Variants in PARD6B observed in about 807,000 individuals in gnomAD.
The protein encoded by PARD6B is par-6 family cell polarity regulator beta, also known as partitioning defective 6 homolog beta.
In PARD6B, 4 loss-of-function variants were observed where a neutral mutation model predicts 10.5. The observed-to-expected ratio is 0.38, with a 90% CI of 0.19 to 0.87. The LOEUF (loss-of-function observed/expected upper bound fraction) is 0.87. PARD6B is among the 40% of genes least tolerant of loss of function. The pLI is 0.41. For synonymous variants in PARD6B, 169 were observed against 170.4 expected (o/e 0.99, Z 0.07); for missense variants, 396 against 470.6 (o/e 0.84, Z 1.47).
At chr20:50,743,158 A>G (rs1237798937) in intron 2 of PARD6B, among the ~76,000 whole-genome samples, 4 of 152,218 alleles carry the variant, frequency 2.6e-5, no homozygotes, top group African/African-American at 9.6e-5. Context: ...GAATTCAGCC[A>G]GGGAAATGTG....
rs2087593307 is a variant in PARD6B at position 50,750,207 on chromosome 20, A to G, written c.838A>G (p.Ile280Val). ...CAGCCTTCTTGGCTACCCACAGCAG[A>G]TTGAACCAAGCTTTGAGCCAGAGGA... ...DNSLLGYPQQ[I>V]EPSFEPEDED... The change falls in exon 3 of 3, where the codon ATT (isoleucine) becomes GTT (valine). Residue 280 changes from isoleucine (I) to valine (V), a missense_variant. Ile to Val is a conservative substitution (Grantham distance 29). Coordinates refer to ENST00000371610, the MANE Select transcript of PARD6B (RefSeq NM_032521.3). 2 of 1,614,090 alleles carry G rather than the reference A, an allele frequency of 1.2e-6. No individual in the cohort carries two copies. The highest frequency in any genetic ancestry group is 2.7e-5 in the African/African-American group (2 of 74,944).
At chr20:50,746,086 T>A (rs534309252) in intron 2 of PARD6B, among the ~76,000 whole-genome samples, 1 of 152,244 alleles carries the variant, frequency 6.6e-6, no homozygotes, top group Non-Finnish European at 1.5e-5. Flanking sequence ...TTTTCTAGAT[T>A]TGCTTTTTAC....
At chr20:50,747,709 T>G (rs1225165737) in intron 2 of PARD6B, among the ~76,000 whole-genome samples, 1 of 152,178 alleles carries the variant, frequency 6.6e-6, no homozygotes, top group Non-Finnish European at 1.5e-5. Flanking sequence ...TTATAGACTA[T>G]CTTCCTTCAG....
At chr20:50,737,709 C>T (rs1351006950) in intron 1 of PARD6B, 148 bp from the exon 2 acceptor site, 2 of 596,046 alleles carry the variant, frequency 3.4e-6, no homozygotes, top group Non-Finnish European at 2.8e-6. Context: ...TTTTAAAATC[C>T]CTGATAGTAA....
intron 1 of PARD6B, among the ~76,000 whole-genome samples, chr20:50,736,532 A>C (rs2087500322): frequency 6.6e-6 from 1 of 152,174 alleles, no homozygotes; most frequent in African/African-American, 2.4e-5. Context: ...TCCCAAGAGC[A>C]TAATTATGTA....
At position 50,753,008 on chromosome 20, in the gene PARD6B, A is replaced by G. The variant is rs921166997; in HGVS notation, c.*2520A>G. The G allele has an allele frequency of 1.0e-5, 10 of 983,196 alleles. No individual in the cohort carries two copies. The highest frequency in any genetic ancestry group is 1.2e-5 in the Non-Finnish European group (10 of 827,720). 60.9% of individuals were successfully genotyped at this position (983,196 alleles called of 1,614,324 possible). ...GTTAGTATGTAGAAGGTTAACTTTC[A>G]TTTATAATATAAGTGGTGCAGGGGT... On this transcript the variant is annotated 3_prime_UTR_variant, in exon 3 of 3. Coordinates refer to ENST00000371610, the MANE Select transcript of PARD6B (RefSeq NM_032521.3).
chr20:50,734,415 C>T (rs1414498135), intron 1 of PARD6B, among the ~76,000 whole-genome samples: 9 of 152,020 alleles, frequency 5.9e-5, no homozygotes, highest in East Asian at 1.9e-4. Flanking sequence ...GGCACGATCA[C>T]GGCTCACTGC....
Position 50,746,066 on chromosome 20 carries a change from GT to G in PARD6B, c.290-3580del, listed in dbSNP as rs5841809. ...GGATACTGATGGAGCTTATGTAGAA[GT>G]TTTTTTTTTTTTCTAGATTTGCTTT... On this transcript the variant is annotated intron_variant, in intron 2 of 2. Coordinates refer to ENST00000371610, the MANE Select transcript of PARD6B (RefSeq NM_032521.3). Among the ~76,000 whole-genome samples, 96 of 147,040 alleles carry G rather than the reference GT, an allele frequency of 6.5e-4. 1 individual carries two copies. The highest frequency in any genetic ancestry group is 1.8e-3 in the East Asian group (9 of 5,044).
intron 1 of PARD6B, among the ~76,000 whole-genome samples, chr20:50,736,128 G>T (rs913891484): frequency 3.9e-5 from 6 of 152,182 alleles, no homozygotes; most frequent in African/African-American, 1.4e-4. Context: ...TTTAATTTTT[G>T]TTAGAGGTAA....
rs773463294 is a variant in PARD6B at position 50,750,262 on chromosome 20, T to C, written c.893T>C (p.Ile298Thr). The change falls in exon 3 of 3, where the codon ATT (isoleucine) becomes ACT (threonine). Residue 298 changes from isoleucine to threonine, a missense_variant. Coordinates refer to ENST00000371610, the MANE Select transcript of PARD6B (RefSeq NM_032521.3). ...DEDSEEDDII[I>T]EDNGVPQQIP... ...GACAGCGAAGAAGATGACATTATCATTGAAGACAATGGAGTGCCACAGCAG... is the reference window on the plus strand; with the variant it reads ...GACAGCGAAGAAGATGACATTATCACTGAAGACAATGGAGTGCCACAGCAG... The C allele has an allele frequency of 1.9e-6, 3 of 1,614,206 alleles. No homozygotes were observed. Among genetic ancestry groups the C allele is most frequent in the Admixed American group, 3.3e-5 (2 of 60,022 alleles).
chr20:50,737,795 T>C (rs1398848564), intron 1 of PARD6B, 62 bp from the exon 2 acceptor site: 1 of 1,194,658 alleles, frequency 8.4e-7, no homozygotes, highest in Non-Finnish European at 1.1e-6. Context: ...GGCATGCATT[T>C]TCAAATTGGG....
rs1434039467 is a variant in PARD6B, at chr20:50,752,454, A to AT, written c.*1969dup. 1.0e-6 allele frequency: 1 copy of AT among 985,484 alleles called. No individual in the cohort carries two copies. The highest frequency in any genetic ancestry group is 1.2e-6 in the Non-Finnish European group (1 of 829,774). The allele number at this position is 985,484 out of a possible 1,614,324, so 61.0% of individuals were successfully genotyped here. On this transcript the variant is annotated 3_prime_UTR_variant, in exon 3 of 3. Coordinates refer to ENST00000371610, the MANE Select transcript of PARD6B (RefSeq NM_032521.3). The stretch of plus-strand genomic sequence containing the variant: ...TTATCACTATTAATTTTATGAGGCT[A>AT]TTTATTACTTTCCAATGCATCCACT...
intron 1 of PARD6B, among the ~76,000 whole-genome samples, chr20:50,737,288 A>G (rs2087504972): frequency 6.6e-6 from 1 of 152,244 alleles, no homozygotes; most frequent in African/African-American, 2.4e-5. Context: ...TTGGATAGTT[A>G]TAGGACATAC....
intron 2 of PARD6B, among the ~76,000 whole-genome samples, chr20:50,739,896 C>T (rs936452458): frequency 1.3e-5 from 2 of 151,480 alleles, no homozygotes; most frequent in Admixed American, 6.6e-5. Context: ...AAGGCAGTGG[C>T]GGGAAGGTAG....
rs546746042 is a variant in PARD6B, at chr20:50,752,709, C to T, written c.*2221C>T. 3 of 980,594 alleles carry T rather than the reference C, an allele frequency of 3.1e-6. No homozygotes were observed. The African/African-American group carries it at 5.2e-5, about 17-fold the overall frequency. The allele number at this position is 980,594 out of a possible 1,614,324, so 60.7% of individuals were successfully genotyped here. ...TACAACAATGAAGATTCAAATGACT[C>T]CGCTTTGAAGGATGTTTTCTCTATA... On this transcript the variant is annotated 3_prime_UTR_variant, in exon 3 of 3. Transcript: ENST00000371610.
At chr20:50,737,126 C>T (rs2087503622) in intron 1 of PARD6B, among the ~76,000 whole-genome samples, 1 of 152,172 alleles carries the variant, frequency 6.6e-6, no homozygotes, top group Admixed American at 6.5e-5. Flanking sequence ...CTGTCTTCCT[C>T]CCCATTCCGC....
At position 50,750,395 on chromosome 20, in the gene PARD6B, A is replaced by G. The variant is rs2087595652; in HGVS notation, c.1026A>G (p.Leu342=). ...NGFIPSNEVS[L]AAIASSSNTE... is the part of the protein sequence containing the mutation. ...TTATTCCCTCTAATGAAGTGAGCTT[A>G]GCAGCCATAGCAAGCAGCTCAAACA... Residue 342 remains leucine, a synonymous_variant, in exon 3 of 3, where the codon TTA becomes TTG. Coordinates refer to ENST00000371610, the MANE Select transcript of PARD6B (RefSeq NM_032521.3). The G allele has an allele frequency of 6.2e-7, 1 of 1,614,222 alleles. No individual in the cohort carries two copies. Among genetic ancestry groups the G allele is most frequent in the Non-Finnish European group, 8.5e-7 (1 of 1,180,030 alleles).
At position 50,751,125 on chromosome 20, in the gene PARD6B, A is replaced by G; in HGVS notation, c.*637A>G. Reference sequence around the variant, plus strand: ...GCTGGGACCATAGGCACATACCACCACATCTGTCTACTTTTTGTATTTTTT... The same window carrying G: ...GCTGGGACCATAGGCACATACCACCGCATCTGTCTACTTTTTGTATTTTTT... On this transcript the variant is annotated 3_prime_UTR_variant, in exon 3 of 3. Coordinates refer to ENST00000371610, the MANE Select transcript of PARD6B (RefSeq NM_032521.3). The G allele has an allele frequency of 1.9e-6, 1 of 531,858 alleles. No homozygotes were observed. Among genetic ancestry groups the G allele is most frequent in the South Asian group, 8.3e-5 (1 of 12,036 alleles). The allele number at this position is 531,858 out of a possible 1,614,324, so 32.9% of individuals were successfully genotyped here.
chr20:50,736,225 A>G (rs1027443230), intron 1 of PARD6B, among the ~76,000 whole-genome samples: 1 of 152,218 alleles, frequency 6.6e-6, no homozygotes, highest in African/African-American at 2.4e-5. Context: ...GAGCAAAACC[A>G]GTGAATCCAG....
Sources: allele counts gnomAD v4.1 joint callset (sites outside exome capture counted in the v4.1 genomes callset), GRCh38; gene constraint gnomAD v4.1.1; transcripts MANE v1.5; gene names NCBI Gene and HGNC (gene_info 2026-07-23, HGNC 2026-07-21).